CDKAL1: variants seen among roughly 807,000 people sequenced by gnomAD.
CDKAL1 encodes threonylcarbamoyladenosine tRNA methylthiotransferase.
In CDKAL1, 32 loss-of-function variants were observed where a neutral mutation model predicts 68.2. The observed-to-expected ratio is 0.47, with a 90% CI of 0.35 to 0.63. CDKAL1 has a LOEUF of 0.63. Ranked by LOEUF, CDKAL1 falls within the 30% of genes least tolerant of loss-of-function variation. The pLI, the probability that CDKAL1 is intolerant of heterozygous loss-of-function variation, is 0.00. For synonymous variants in CDKAL1, 234 were observed against 244.3 expected (o/e 0.96, Z 0.39); for missense variants, 606 against 696.7 (o/e 0.87, Z 1.47).
At chr6:20,808,801 T>G (rs990557477) in intron 8 of CDKAL1, among the ~76,000 whole-genome samples, 6 of 152,104 alleles carry the variant, frequency 3.9e-5, no homozygotes, top group African/African-American at 1.4e-4. Flanking sequence ...ACAAAATAAG[T>G]ATATTTTTCT....
chr6:21,093,694 C>CTTTTTTTTTTTTTTT (rs547923386), intron 12 of CDKAL1, among the ~76,000 whole-genome samples: 1 of 88,086 alleles, frequency 1.1e-5, no homozygotes, highest in Non-Finnish European at 2.2e-5. Context: ...GCTGCTGCTG[C>CTTTTTTTTTTTTTTT]TTTTTTTTTT....
chr6:21,187,721 ATCTC>A (rs758219608), intron 13 of CDKAL1, among the ~76,000 whole-genome samples: 7 of 151,964 alleles, frequency 4.6e-5, no homozygotes, highest in Admixed American at 6.6e-5. Context: ...TACATAAACA[ATCTC>A]TCTCTCCAAT....
rs138827649 is a variant in CDKAL1, at chr6:20,536,403, G to A, written c.-6+1009G>A. On this transcript the variant is annotated intron_variant, in intron 2 of 15. Coordinates refer to ENST00000274695, the MANE Select transcript of CDKAL1 (RefSeq NM_017774.3). ...AAATTTAGGTCTATGATCCATTTTC[G>A]GTTAATTTTTGTATATGATGTGAAA... 3.7e-4 allele frequency among the ~76,000 whole-genome samples: 56 copies of A among 151,686 alleles called. No homozygotes were observed. The East Asian group carries it at 7.6e-3, about 20-fold the overall frequency.
intron 9 of CDKAL1, among the ~76,000 whole-genome samples, chr6:20,870,539 A>G (rs1760157753): frequency 6.6e-6 from 1 of 152,210 alleles, no homozygotes; most frequent in South Asian, 2.1e-4. Context: ...TACCAGCAGT[A>G]CTTTCCTTCT....
At chr6:20,984,999 A>G (rs1581965612) in intron 10 of CDKAL1, among the ~76,000 whole-genome samples, 1 of 152,174 alleles carries the variant, frequency 6.6e-6, no homozygotes, top group Admixed American at 6.5e-5. Flanking sequence ...TATCACTAAT[A>G]GTGCCGTAAT....
intron 8 of CDKAL1, among the ~76,000 whole-genome samples, chr6:20,810,367 GTC>G (rs5874785): frequency 0.13 from 17,160 of 135,866 alleles, 1,271 homozygotes; most frequent in African/African-American, 0.2. Context: ...CATAGTGAGA[GTC>G]TCTCTCTCTC....
At chr6:20,660,280 C>T (rs1173281087) in intron 5 of CDKAL1, among the ~76,000 whole-genome samples, 1 of 152,150 alleles carries the variant, frequency 6.6e-6, no homozygotes, top group African/African-American at 2.4e-5. Context: ...GGTTAGGATA[C>T]TGACCTCAGA....
chr6:20,729,450 T>C (rs1772805954), intron 5 of CDKAL1, among the ~76,000 whole-genome samples: 1 of 152,224 alleles, frequency 6.6e-6, no homozygotes, highest in African/African-American at 2.4e-5. Flanking sequence ...GTACCCTCTT[T>C]ATAAAAATTG....
At chr6:21,135,609 A>G (rs1212233182) in intron 13 of CDKAL1, 4 of 800,912 alleles carry the variant, frequency 5.0e-6, no homozygotes, top group Non-Finnish European at 6.0e-6. Flanking sequence ...AGTTGACTAC[A>G]TAATTACAAC....
chr6:20,924,248 C>A (rs957824879), intron 9 of CDKAL1, among the ~76,000 whole-genome samples: 1 of 149,420 alleles, frequency 6.7e-6, no homozygotes, highest in East Asian at 2.0e-4. Context: ...TACCCATAGA[C>A]CTAGCTACTA....
chr6:20,641,522 T>TAG (rs1768173436), intron 4 of CDKAL1, among the ~76,000 whole-genome samples: 1 of 152,240 alleles, frequency 6.6e-6, no homozygotes, highest in Non-Finnish European at 1.5e-5. Context: ...GTTTTTCATG[T>TAG]ATACTTCTAT....
At chr6:20,776,778 A>T (rs1288592322) in intron 7 of CDKAL1, among the ~76,000 whole-genome samples, 1 of 152,204 alleles carries the variant, frequency 6.6e-6, no homozygotes, top group Non-Finnish European at 1.5e-5. Flanking sequence ...AAAAGTGTTT[A>T]TTCATGAAAA....
intron 4 of CDKAL1, among the ~76,000 whole-genome samples, chr6:20,557,690 G>A (rs1194247964): frequency 6.6e-6 from 1 of 152,206 alleles, no homozygotes; most frequent in African/African-American, 2.4e-5. Context: ...ACTTTGGGAG[G>A]CTGAGGCAGG....
chr6:20,971,772 A>G (rs1387052796), intron 10 of CDKAL1, among the ~76,000 whole-genome samples: 6 of 152,250 alleles, frequency 3.9e-5, no homozygotes, highest in Non-Finnish European at 5.9e-5. Flanking sequence ...TTCCATTCAC[A>G]TGTAAGTCAT....
At chr6:20,854,857 G>C (rs1581704589) in intron 9 of CDKAL1, among the ~76,000 whole-genome samples, 1 of 152,292 alleles carries the variant, frequency 6.6e-6, no homozygotes, top group South Asian at 2.1e-4. Flanking sequence ...AAATAATGAG[G>C]CTCTGGGAAA....
At chr6:20,988,862 G>T (rs1051637031) in intron 10 of CDKAL1, among the ~76,000 whole-genome samples, 4 of 146,642 alleles carry the variant, frequency 2.7e-5, no homozygotes, top group Non-Finnish European at 6.0e-5. Context: ...GTTTCACCAC[G>T]TTGGCCAGGA....
At chr6:20,548,118 T>TAA (rs1763675599) in intron 3 of CDKAL1, among the ~76,000 whole-genome samples, 1 of 152,244 alleles carries the variant, frequency 6.6e-6, no homozygotes, top group Non-Finnish European at 1.5e-5. Flanking sequence ...AGACTTTTGA[T>TAA]ACAACAACAG....
rs921993640 is a variant in CDKAL1 at position 21,226,169 on chromosome 6, C to T, written c.1549-4679C>T. Among the ~76,000 whole-genome samples the T allele has an allele frequency of 9.2e-5, 14 of 152,240 alleles. No individual in the cohort carries two copies. In the East Asian group the frequency reaches 1.2e-3, roughly 13 times the overall value. On this transcript the variant is annotated intron_variant, in intron 15 of 15. Transcript: ENST00000274695. ...CATCTCTTTCCTTTCCCCAACAATA[C>T]GTGCACAACTGCTAAAGACGAAGGA...
At chr6:20,838,495 A>G (rs1778048121) in intron 8 of CDKAL1, among the ~76,000 whole-genome samples, 1 of 152,224 alleles carries the variant, frequency 6.6e-6, no homozygotes, top group Non-Finnish European at 1.5e-5. Flanking sequence ...ACTAAAAATA[A>G]CAACGAAGGT....
Sources: allele counts gnomAD v4.1 joint callset (sites outside exome capture counted in the v4.1 genomes callset), GRCh38; gene constraint gnomAD v4.1.1; transcripts MANE v1.5; gene names NCBI Gene and HGNC (gene_info 2026-07-23, HGNC 2026-07-21).